TRIM25: variants seen among roughly 807,000 people sequenced by gnomAD.
TRIM25 encodes E3 ubiquitin/ISG15 ligase TRIM25.
In TRIM25, 45 loss-of-function variants were observed where a neutral mutation model predicts 65.2. The ratio of observed to expected loss-of-function variants is 0.69; its 90% CI spans 0.54 to 0.89. The LOEUF (loss-of-function observed/expected upper bound fraction) is 0.89, where lower values mean the gene tolerates loss of function less well. Among genes scored for constraint, TRIM25 ranks in the 40% least tolerant of loss-of-function variants. The probability of loss-of-function intolerance (pLI) is 0.00; values close to 1 mark genes in which losing one functional copy is unlikely to be tolerated. For synonymous variants in TRIM25, 321 were observed against 340.4 expected, an observed-to-expected ratio of 0.94 and a Z score of 0.63; for missense variants, 714 against 803.7, an observed-to-expected ratio of 0.89 and a Z score of 1.35.
At position 56,892,265 on chromosome 17, in the gene TRIM25, G is replaced by C. The variant is rs554572893; in HGVS notation, c.1364-36C>G. ...ATCACCCCAAGGAATTAATTACAAG[G>C]GGCCCAAAGTGCTCTTTTAGACCTT... On this transcript the variant is annotated intron_variant, in intron 8 of 8. Transcript: ENST00000316881. The C allele has an allele frequency of 7.7e-6, 12 of 1,551,112 alleles. No homozygotes were observed. In the African/African-American group the frequency reaches 1.4e-4, roughly 18 times the overall value.
chr17:56,895,021 C>G (rs1909257484), intron 8 of TRIM25, among the ~76,000 whole-genome samples: 1 of 152,126 alleles, frequency 6.6e-6, no homozygotes, highest in South Asian at 2.1e-4. Context: ...AACGGGACGC[C>G]CGGTGAAGGC....
intron 2 of TRIM25, among the ~76,000 whole-genome samples, chr17:56,908,011 G>A (rs1341637459): frequency 9.2e-5 from 14 of 152,178 alleles, no homozygotes; most frequent in Admixed American, 1.3e-4. Context: ...GTGTGGCCAC[G>A]CCAACATCTT....
At chr17:56,896,471 T>C (rs1347233695) in intron 5 of TRIM25, among the ~76,000 whole-genome samples, 3 of 144,678 alleles carry the variant, frequency 2.1e-5, no homozygotes, top group African/African-American at 2.6e-5. Context: ...ATGGGCAACA[T>C]GGGGAAACCC....
At position 56,913,789 on chromosome 17, in the gene TRIM25, G is replaced by A; in HGVS notation, c.200C>T (p.Thr67Met). The change falls in exon 1 of 9, where the codon ACG (threonine) becomes ATG (methionine). Residue 67 changes from threonine (T) to methionine (M), a missense_variant. By Grantham distance (81) the Thr-to-Met change is moderately conservative. Around this residue, in one of 3 missense-constraint regions of TRIM25, gnomAD observed 291 missense variants for 281.8 expected, o/e 1.03. Coordinates refer to ENST00000316881, the MANE Select transcript of TRIM25 (RefSeq NM_005082.5). This position sits in a 1 kb window ranked among gnomAD's most constrained non-coding sequence, Gnocchi z 6.1. ...YQARPQLHKN[T>M]VLCNVVEQFL... Reference sequence around the variant, plus strand: ...CTGCTCCACCACGTTGCACAGCACCGTGTTCTTGTGCAGCTGCGGTCGCGC... The same window carrying A: ...CTGCTCCACCACGTTGCACAGCACCATGTTCTTGTGCAGCTGCGGTCGCGC... The A allele has an allele frequency of 1.9e-6, 3 of 1,559,408 alleles. No homozygotes were observed. The highest frequency in any genetic ancestry group is 2.3e-5 in the East Asian group (1 of 42,956).
chr17:56,895,837 G>T, intron 6 of TRIM25, 89 bp downstream of exon 6: 1 of 1,517,892 alleles, frequency 6.6e-7, no homozygotes, highest in East Asian at 2.3e-5. Flanking sequence ...ACAGAACCCT[G>T]ATGAGAGAGG....
chr17:56,896,623 C>A (rs1214772319), intron 5 of TRIM25, among the ~76,000 whole-genome samples: 1 of 149,470 alleles, frequency 6.7e-6, no homozygotes, highest in Non-Finnish European at 1.5e-5. Flanking sequence ...GAGCTGTGTT[C>A]TTGCCACTGC....
chr17:56,891,593 A>G lies in TRIM25; in HGVS notation c.*107T>C. On this transcript the variant is annotated 3_prime_UTR_variant, in exon 9 of 9. Transcript: ENST00000316881. Reference sequence around the variant, plus strand: ...CGCCAGCTCCCCTCCCATGCTCCCAATCCTTGGGACCTCTTGGGGAATTAT... The same window carrying G: ...CGCCAGCTCCCCTCCCATGCTCCCAGTCCTTGGGACCTCTTGGGGAATTAT... The G allele has an allele frequency of 7.7e-7, 1 of 1,306,356 alleles. No homozygotes were observed. Among genetic ancestry groups the G allele is most frequent in the Non-Finnish European group, 1.0e-6 (1 of 963,908 alleles). The allele number at this position is 1,306,356 out of a possible 1,614,324, so 80.9% of individuals were successfully genotyped here. A position where few individuals can be genotyped will look rare whatever the true frequency, so the allele number is the denominator to read the frequency against.
Position 56,895,593 on chromosome 17 carries a change from C to T in TRIM25, c.1192G>A (p.Ala398Thr). The stretch of plus-strand genomic sequence containing the variant: ...AACGTGGGAAGCTTGCTGGGTAAGG[C>T]AGGGACAGGGGCTGGGGGTAAGGAA... ...KKSKKPPPVP[A>T]LPSKLPTFGA... The change falls in exon 7 of 9, where the codon GCC becomes ACC. Residue 398 changes from alanine to threonine, a missense_variant. Coordinates refer to ENST00000316881, the MANE Select transcript of TRIM25 (RefSeq NM_005082.5). The T allele has an allele frequency of 6.4e-7, 1 of 1,566,890 alleles. No individual in the cohort carries two copies. Among genetic ancestry groups the T allele is most frequent in the Non-Finnish European group, 8.7e-7 (1 of 1,154,420 alleles).
rs775981487 is a variant in TRIM25 at position 56,900,147 on chromosome 17, G to T, written c.1088-967C>A. ...GAGAAATGCTTGAACCTGGGTGGCA[G>T]AGGTTGCAGTGAGCAGAGATTGGGC... On this transcript the variant is annotated intron_variant, in intron 4 of 8. Transcript: ENST00000316881. 2.6e-5 allele frequency among the ~76,000 whole-genome samples: 4 copies of T among 152,294 alleles called. No individual in the cohort carries two copies. The South Asian group carries it at 8.3e-4, about 32-fold the overall frequency.
rs1370942190 is a variant in TRIM25 at position 56,908,468 on chromosome 17, C to A, written c.693G>T (p.Arg231=). 6.2e-7 allele frequency: 1 copy of A among 1,613,588 alleles called. No homozygotes were observed. The highest frequency in any genetic ancestry group is 1.3e-5 in the African/African-American group (1 of 74,910). The stretch of plus-strand genomic sequence containing the variant: ...GGCCTTGGAGAGCCCTGCCACTCAC[C>A]CGCACATCCTGCTGCCTGTTTCTCA... ...DDVRNRQQDV[R]MTANRKVEQL... Residue 231 remains arginine (R), a splice_region_variant and synonymous_variant, in exon 2 of 9, where the codon CGG becomes CGT. Coordinates refer to ENST00000316881, the MANE Select transcript of TRIM25 (RefSeq NM_005082.5).
At chr17:56,901,256 G>C (rs556091105) in intron 4 of TRIM25, among the ~76,000 whole-genome samples, 163 bp downstream of exon 4, 1 of 152,302 alleles carries the variant, frequency 6.6e-6, no homozygotes, top group African/African-American at 2.4e-5. Flanking sequence ...GGATGAAGCA[G>C]ACTCCCCACC....
In TRIM25 at chr17:56,891,882, A is replaced by G. The variant is rs765845402; in HGVS notation, c.1711T>C (p.Ser571Pro). Residue 571 changes from serine (S) to proline (P), a missense_variant, in exon 9 of 9, where the codon TCC (serine) becomes CCC (proline). This residue lies in a region of TRIM25 where 413 missense variants were observed against 498.2 expected (regional missense o/e 0.83). Coordinates refer to ENST00000316881, the MANE Select transcript of TRIM25 (RefSeq NM_005082.5). The part of the protein sequence containing the change: ...WHNNVEKTLP[S>P]TKATRVGVLL... ...ACGCCCACCCGCGTGGCCTTGGTGG[A>G]GGGCAGGGTTTTCTCCACGTTATTG... 2 of 1,614,208 alleles carry G rather than the reference A, an allele frequency of 1.2e-6. No homozygotes were observed. The highest frequency in any genetic ancestry group is 4.5e-5 in the East Asian group (2 of 44,880).
At chr17:56,911,555 G>C (rs1470141464) in intron 1 of TRIM25, among the ~76,000 whole-genome samples, 2 of 150,302 alleles carry the variant, frequency 1.3e-5, no homozygotes, top group African/African-American at 4.9e-5. Flanking sequence ...ACTCCAGCCT[G>C]GCGACAGAAC....
chr17:56,910,578 G>T (rs1453951204), intron 1 of TRIM25, among the ~76,000 whole-genome samples: 1 of 152,074 alleles, frequency 6.6e-6, no homozygotes, highest in East Asian at 1.9e-4. Context: ...TATTTTGAAA[G>T]ATTTGATACA....
At chr17:56,900,834 C>A (rs932809054) in intron 4 of TRIM25, among the ~76,000 whole-genome samples, 1 of 152,090 alleles carries the variant, frequency 6.6e-6, no homozygotes, top group Non-Finnish European at 1.5e-5. Context: ...AGTGAGAGGG[C>A]AAAGCAGAAT....
rs186504437 is a variant in TRIM25, at chr17:56,910,955, C to G, written c.598-2392G>C. Among the ~76,000 whole-genome samples the G allele has an allele frequency of 4.3e-3, 653 of 152,308 alleles. 2 individuals are homozygous for G. The highest frequency in any genetic ancestry group is 7.5e-3 in the Non-Finnish European group (513 of 68,026). ...GGGGTAGGTGTTGGCAGAGGAAGGC[C>G]TGTTGTTAGGATTAAACAGCAGAGT... On this transcript the variant is annotated intron_variant, in intron 1 of 8. Coordinates refer to ENST00000316881, the MANE Select transcript of TRIM25 (RefSeq NM_005082.5).
At chr17:56,898,978 T>G in intron 5 of TRIM25, 137 bp downstream of exon 5, 1 of 938,628 alleles carries the variant, frequency 1.1e-6, no homozygotes, top group Non-Finnish European at 1.7e-6. Flanking sequence ...CCCCCCGCAG[T>G]GGGGACTGCC....
At chr17:56,908,389 G>C in intron 2 of TRIM25, 79 bp downstream of exon 2, 1 of 1,417,206 alleles carries the variant, frequency 7.1e-7, no homozygotes. Flanking sequence ...CCTTGTCATG[G>C]TCAGAGCCAC....
At position 56,913,282 on chromosome 17, in the gene TRIM25, C is replaced by T; in HGVS notation, c.597+110G>A. ...ATTGGAGATGCCCCGGCCTCGAATTCAGGCCCATCTCCCCAGGGCGTCCAG... is the reference window on the plus strand; with the variant it reads ...ATTGGAGATGCCCCGGCCTCGAATTTAGGCCCATCTCCCCAGGGCGTCCAG... On this transcript the variant is annotated intron_variant, in intron 1 of 8. Transcript: ENST00000316881. The surrounding 1 kb of genome is among the most constrained non-coding windows in gnomAD (Gnocchi z 6.1). The T allele has an allele frequency of 1.0e-6, 1 of 996,116 alleles. No homozygotes were observed. The highest frequency in any genetic ancestry group is 1.4e-6 in the Non-Finnish European group (1 of 700,938). The allele number at this position is 996,116 out of a possible 1,614,324, so 61.7% of individuals were successfully genotyped here. A position where few individuals can be genotyped will look rare whatever the true frequency, so the allele number is the denominator to read the frequency against.
Sources: gnomAD v4.1 joint callset for allele counts (sites outside exome capture counted in the v4.1 genomes callset) on GRCh38, gnomAD v4.1.1 for gene constraint, gnomAD v4.1.1 regional missense constraint, Gnocchi (gnomAD v3.1) non-coding constraint, MANE v1.5 for transcripts, NCBI Gene and HGNC (gene_info 2026-07-23, HGNC 2026-07-21) for gene names.